ICA1L: variants seen among roughly 807,000 people sequenced by gnomAD.
The protein encoded by ICA1L is islet cell autoantigen 1 like, also known as islet cell autoantigen 1-like protein.
ICA1L carries 50 observed loss-of-function variants against 61.3 expected under a neutral mutation model. That is an observed-to-expected ratio of 0.82 (90% CI 0.65 to 1.03). The LOEUF is 1.03. ICA1L is among the 50% of genes least tolerant of loss of function. The probability of loss-of-function intolerance (pLI) is 0.00; values close to 1 mark genes in which losing one functional copy is unlikely to be tolerated. For missense variants in ICA1L, 508 were observed against 556.7 expected (o/e 0.91, Z 0.88); for synonymous variants, 161 against 191.3 (o/e 0.84, Z 1.31).
intron 1 of ICA1L, among the ~76,000 whole-genome samples, chr2:202,858,548 T>C (rs1694826159): frequency 6.6e-6 from 1 of 152,194 alleles, no homozygotes; most frequent in Non-Finnish European, 1.5e-5. Flanking sequence ...GATGACAGGT[T>C]GATAGGTGTA....
chr2:202,841,724 C>T, intron 1 of ICA1L: 1 of 506,168 alleles, frequency 2.0e-6, no homozygotes, highest in Non-Finnish European at 3.8e-6. Flanking sequence ...GGCCTGGGGG[C>T]CAGAGGACCA....
chr2:202,781,075 C>T (rs910114620), intron 12 of ICA1L, among the ~76,000 whole-genome samples: 7 of 152,018 alleles, frequency 4.6e-5, no homozygotes, highest in African/African-American at 1.5e-4. Context: ...AAATGTAAGA[C>T]GGTTTTATAT....
At chr2:202,783,421 T>C (rs578169212) in intron 12 of ICA1L, among the ~76,000 whole-genome samples, 1 of 152,286 alleles carries the variant, frequency 6.6e-6, no homozygotes, top group South Asian at 2.1e-4. Flanking sequence ...ATGCACCCCC[T>C]GATAGGATTT....
intron 1 of ICA1L, among the ~76,000 whole-genome samples, chr2:202,855,966 C>G (rs1694757274): frequency 6.6e-6 from 1 of 150,506 alleles, no homozygotes; most frequent in Admixed American, 6.7e-5. Flanking sequence ...CCCAGCTACT[C>G]AAGAGGCTGA....
intron 12 of ICA1L, among the ~76,000 whole-genome samples, chr2:202,785,359 TA>T (rs992221272): frequency 4.6e-5 from 7 of 152,176 alleles, no homozygotes; most frequent in Non-Finnish European, 2.9e-5. Context: ...CAACAAACCT[TA>T]ACACAAACTA....
intron 4 of ICA1L, among the ~76,000 whole-genome samples, chr2:202,820,759 G>T (rs1327609776): frequency 6.6e-6 from 1 of 152,142 alleles, no homozygotes; most frequent in Non-Finnish European, 1.5e-5. Flanking sequence ...ATAGACTTTT[G>T]CACTGATGTG....
At chr2:202,836,794 T>A (rs1235026459) in intron 1 of ICA1L, among the ~76,000 whole-genome samples, 1 of 64,100 alleles carries the variant, frequency 1.6e-5, no homozygotes, top group Admixed American at 1.5e-4. Context: ...TGTGTGTATA[T>A]CTATATATAT....
rs532226817 is a variant in ICA1L at position 202,840,785 on chromosome 2, G to A, written c.-7-11769C>T. 1.5e-5 allele frequency: 9 copies of A among 598,386 alleles called. No individual in the cohort carries two copies. The East Asian group carries it at 2.6e-4, about 17-fold the overall frequency. 37.1% of individuals were successfully genotyped at this position (598,386 alleles called of 1,614,324 possible). ...ACACTGCTAGGCATCTGCGATGGCA[G>A]CCTCCAGGGAAACTCTCTGGCCTTT... is the stretch of plus-strand genomic sequence containing the variant. On this transcript the variant is annotated intron_variant, in intron 1 of 12. Transcript: ENST00000358299.
At chr2:202,859,484 A>T (rs946532634) in intron 1 of ICA1L, among the ~76,000 whole-genome samples, 3 of 152,234 alleles carry the variant, frequency 2.0e-5, no homozygotes, top group African/African-American at 7.2e-5. Flanking sequence ...TCTGGGTGCT[A>T]TGATTGGCAC....
chr2:202,813,604 A>AT (rs1432311766), intron 8 of ICA1L, among the ~76,000 whole-genome samples: 1 of 152,232 alleles, frequency 6.6e-6, no homozygotes, highest in Admixed American at 6.5e-5. Flanking sequence ...GCCAAGAGGC[A>AT]AACTCCAAGG....
intron 1 of ICA1L, chr2:202,844,687 G>C (rs1317669505): frequency 1.3e-5 from 2 of 152,148 alleles, no homozygotes. Flanking sequence ...GAAATGAGAG[G>C]GTAGAGAGAG....
chr2:202,844,056 T>G (rs1158651304), intron 1 of ICA1L, among the ~76,000 whole-genome samples: 1 of 152,224 alleles, frequency 6.6e-6, no homozygotes, highest in Non-Finnish European at 1.5e-5. Flanking sequence ...GTTTCCAGTT[T>G]GGGACTATTG....
At chr2:202,795,018 A>AG (rs60521238) in intron 10 of ICA1L, among the ~76,000 whole-genome samples, 2 of 147,748 alleles carry the variant, frequency 1.4e-5, no homozygotes, top group African/African-American at 4.9e-5. Context: ...TAAAAAAAAA[A>AG]GGAGGGGGGA....
chr2:202,817,224 G>T (rs1693562387), intron 6 of ICA1L, among the ~76,000 whole-genome samples, 194 bp downstream of exon 6: 10 of 152,152 alleles, frequency 6.6e-5, no homozygotes, highest in Admixed American at 6.5e-4. Context: ...ACACCAAAGA[G>T]AAGAGCTACA....
intron 1 of ICA1L, among the ~76,000 whole-genome samples, chr2:202,865,754 A>C (rs905876953): frequency 7.2e-5 from 11 of 152,184 alleles, no homozygotes; most frequent in Admixed American, 3.3e-4. Flanking sequence ...CAAAAGTATC[A>C]CATTTCTATA....
At position 202,849,719 on chromosome 2, in the gene ICA1L, A is replaced by G. The variant is rs868133170; in HGVS notation, c.-7-20703T>C. On this transcript the variant is annotated intron_variant, in intron 1 of 12. Coordinates refer to ENST00000358299, the MANE Select transcript of ICA1L (RefSeq NM_001288622.3). The surrounding 1 kb of genome is among the most constrained non-coding windows in gnomAD (Gnocchi z 4.5). ...TGGGCACAGCTTCAGCGGACTTAACATGTTCCTGCCTGCTGGCTCTGAAGA... is the reference window on the plus strand; with the variant it reads ...TGGGCACAGCTTCAGCGGACTTAACGTGTTCCTGCCTGCTGGCTCTGAAGA... Among the ~76,000 whole-genome samples, 5 of 152,162 alleles carry G rather than the reference A, an allele frequency of 3.3e-5. No individual in the cohort carries two copies. The highest frequency in any genetic ancestry group is 6.5e-5 in the Admixed American group (1 of 15,274).
At chr2:202,780,255 A>G (rs1559124243) in intron 12 of ICA1L, among the ~76,000 whole-genome samples, 1 of 152,188 alleles carries the variant, frequency 6.6e-6, no homozygotes, top group Non-Finnish European at 1.5e-5. Flanking sequence ...CTACCACATT[A>G]GCACACCCAA....
At chr2:202,781,678 G>C (rs1456125255) in intron 12 of ICA1L, among the ~76,000 whole-genome samples, 1 of 152,054 alleles carries the variant, frequency 6.6e-6, no homozygotes, top group Non-Finnish European at 1.5e-5. Flanking sequence ...GGGAATGCCA[G>C]GGTAAATCCC....
intron 1 of ICA1L, among the ~76,000 whole-genome samples, chr2:202,859,791 T>A (rs1468938280): frequency 6.6e-6 from 1 of 152,218 alleles, no homozygotes; most frequent in Non-Finnish European, 1.5e-5. Context: ...TACTACTGCT[T>A]ACTAAAATAA....
Sources: allele counts gnomAD v4.1 joint callset (sites outside exome capture counted in the v4.1 genomes callset), GRCh38; gene constraint gnomAD v4.1.1; non-coding constraint Gnocchi (gnomAD v3.1); transcripts MANE v1.5; gene names NCBI Gene and HGNC (gene_info 2026-07-23, HGNC 2026-07-21).